TTC28: variants seen among roughly 807,000 people sequenced by gnomAD.
TTC28 encodes the protein tetratricopeptide repeat protein 28.
Under a neutral mutation model 198.0 loss-of-function variants are expected in TTC28, and 61 were observed. The ratio of observed to expected loss-of-function variants is 0.31; its 90% confidence interval spans 0.25 to 0.38. The LOEUF (loss-of-function observed/expected upper bound fraction) is 0.38, where lower values mean the gene tolerates loss of function less well. Ranked by LOEUF, TTC28 falls within the 10% of genes least tolerant of loss-of-function variation. The pLI is 1.00. For missense variants in TTC28, 2,678 were observed against 3,164.0 expected (o/e 0.85, Z 3.69); for synonymous variants, 1,171 against 1,297.8 (o/e 0.90, Z 2.10).
chr22:27,983,274 T>A lies in TTC28; in HGVS notation c.6393A>T (p.Ser2131=), dbSNP rs77293143. Residue 2131 remains serine, a synonymous_variant, in exon 23 of 23, where the codon TCA becomes TCT. Transcript: ENST00000397906. ...PFQKVGKLAS[S]DTGESDQSST... ...TAGACTGGTCTGATTCTCCTGTATC[T>A]GAGCTTGCTAGTTTTCCCACCTTTT... 8.8e-3 allele frequency: 13,628 copies of A among 1,551,992 alleles called. 245 individuals are homozygous for A. The highest frequency in any genetic ancestry group is 0.048 in the East Asian group (1,955 of 40,900).
At chr22:28,479,095 A>G (rs2048207893) in intron 2 of TTC28, among the ~76,000 whole-genome samples, 1 of 152,210 alleles carries the variant, frequency 6.6e-6, no homozygotes, top group Admixed American at 6.5e-5. Context: ...AAATCAAGCC[A>G]CAGCTGACCG....
At chr22:28,127,282 C>T (rs1332595722) in intron 6 of TTC28, among the ~76,000 whole-genome samples, 1 of 152,128 alleles carries the variant, frequency 6.6e-6, no homozygotes. Flanking sequence ...TTTGCTAAAA[C>T]TTTGATATAT....
intron 5 of TTC28, among the ~76,000 whole-genome samples, chr22:28,267,620 C>T (rs1260249945): frequency 4.6e-5 from 7 of 152,108 alleles, no homozygotes; most frequent in East Asian, 1.9e-4. Context: ...ACTGAATATG[C>T]TAACATGTAT....
At chr22:27,985,393 G>A (rs1039229057) in intron 21 of TTC28, 37 bp from the exon 22 acceptor site, 15 of 1,493,090 alleles carry the variant, frequency 1.0e-5, no homozygotes, top group East Asian at 2.5e-5. Flanking sequence ...TGCTTCCTTC[G>A]GGAAGATTCC....
intron 14 of TTC28, chr22:28,008,509 T>C (rs1329695447): frequency 1.3e-5 from 2 of 152,226 alleles, no homozygotes; most frequent in African/African-American, 4.8e-5. Context: ...TTGCTCTTGC[T>C]ACCTGTCCTA....
At chr22:28,219,043 C>T (rs1371959980) in intron 5 of TTC28, among the ~76,000 whole-genome samples, 2 of 151,782 alleles carry the variant, frequency 1.3e-5, no homozygotes, top group Non-Finnish European at 2.9e-5. Flanking sequence ...ATCTCAGGAA[C>T]CCCAAGGAAT....
chr22:28,553,861 G>A (rs2049742475), intron 2 of TTC28, among the ~76,000 whole-genome samples: 4 of 152,248 alleles, frequency 2.6e-5, no homozygotes, highest in South Asian at 2.1e-4. Flanking sequence ...CCACCACCCC[G>A]TCTGGGAGGT....
chr22:28,089,309 A>G (rs1386974355), intron 12 of TTC28, among the ~76,000 whole-genome samples: 2 of 152,180 alleles, frequency 1.3e-5, no homozygotes, highest in Non-Finnish European at 2.9e-5. Flanking sequence ...TGTGGCATAT[A>G]TACACCATGG....
intron 2 of TTC28, among the ~76,000 whole-genome samples, chr22:28,432,201 G>A (rs905708798): frequency 3.3e-5 from 5 of 151,250 alleles, no homozygotes; most frequent in African/African-American, 4.9e-5. Context: ...CAGAAGAATG[G>A]CGTGAACCTG....
At chr22:28,588,134 T>A (rs1489371014) in intron 2 of TTC28, among the ~76,000 whole-genome samples, 10 of 124,422 alleles carry the variant, frequency 8.0e-5, no homozygotes, top group African/African-American at 2.6e-4. Flanking sequence ...AGAGGGAGAC[T>A]CCGTCTCAAA....
chr22:28,010,962 G>C (rs1017953767), intron 14 of TTC28, among the ~76,000 whole-genome samples: 1 of 152,140 alleles, frequency 6.6e-6, no homozygotes, highest in Non-Finnish European at 1.5e-5. Flanking sequence ...AGAGATGAGG[G>C]GCAGTCCTTG....
intron 2 of TTC28, among the ~76,000 whole-genome samples, chr22:28,546,370 C>T (rs1460795529): frequency 2.6e-5 from 4 of 152,076 alleles, no homozygotes; most frequent in Admixed American, 6.6e-5. Flanking sequence ...CGCTTGAACC[C>T]GGGAGGCGGG....
intron 12 of TTC28, among the ~76,000 whole-genome samples, chr22:28,084,089 G>C (rs562933471): frequency 1.3e-5 from 2 of 152,206 alleles, no homozygotes; most frequent in Non-Finnish European, 2.9e-5. Context: ...CTGGGGGCAG[G>C]GCACAGACAA....
At chr22:28,634,577 C>T (rs1213446591) in intron 1 of TTC28, among the ~76,000 whole-genome samples, 2 of 147,696 alleles carry the variant, frequency 1.4e-5, no homozygotes, top group African/African-American at 5.0e-5. Flanking sequence ...CTTCCCAAGT[C>T]CTTTTCTTTT....
chr22:28,087,506 G>A (rs1300862201), intron 12 of TTC28, among the ~76,000 whole-genome samples: 7 of 152,192 alleles, frequency 4.6e-5, no homozygotes, highest in East Asian at 1.9e-4. Flanking sequence ...TTGATGGGAC[G>A]TATCTCAAAA....
At chr22:27,995,736 G>C (rs1045147314) in intron 17 of TTC28, among the ~76,000 whole-genome samples, 6 of 152,202 alleles carry the variant, frequency 3.9e-5, no homozygotes, top group African/African-American at 1.4e-4. Context: ...GAGAGCCAAA[G>C]TGACTTGCCC....
At chr22:28,258,094 A>G (rs1931083514) in intron 5 of TTC28, among the ~76,000 whole-genome samples, 1 of 152,008 alleles carries the variant, frequency 6.6e-6, no homozygotes, top group Non-Finnish European at 1.5e-5. Context: ...TAAACATACT[A>G]TAGTTGGGAT....
chr22:28,321,778 T>C (rs927920606), intron 2 of TTC28, among the ~76,000 whole-genome samples: 1 of 152,184 alleles, frequency 6.6e-6, no homozygotes, highest in Non-Finnish European at 1.5e-5. Flanking sequence ...GCAGGAATGA[T>C]ATGACAATAC....
chr22:28,248,758 G>A (rs78780437), intron 5 of TTC28, among the ~76,000 whole-genome samples: 7 of 152,188 alleles, frequency 4.6e-5, no homozygotes, highest in South Asian at 2.1e-4. Flanking sequence ...TCAAGTCATC[G>A]TTTTTTGCAA....
Sources: gnomAD v4.1 joint callset for allele counts (sites outside exome capture counted in the v4.1 genomes callset) on GRCh38, gnomAD v4.1.1 for gene constraint, MANE v1.5 for transcripts, NCBI Gene and HGNC (gene_info 2026-07-23, HGNC 2026-07-21) for gene names.